Variants in NBAS observed in about 807,000 individuals in gnomAD.
NBAS encodes NAG/BC035112 fusion.
Under a neutral mutation model 302.5 loss-of-function variants are expected in NBAS, and 219 were observed. The observed-to-expected ratio is 0.72, with a 90% confidence interval of 0.65 to 0.81. The LOEUF is 0.81. Ranked by LOEUF, NBAS falls within the 30% of genes least tolerant of loss-of-function variation. NBAS has a pLI of 0.00. For missense variants in NBAS, 2,932 were observed against 2,841.6 expected, an observed-to-expected ratio of 1.03 and a Z score of -0.72; for synonymous variants, 1,118 against 1,021.6, an observed-to-expected ratio of 1.09 and a Z score of -1.80.
chr2:14,796,919 C>CAAAAAAAAAAAAAAAA, the NBAS span, among the ~76,000 whole-genome samples: 13 of 86,442 alleles, frequency 1.5e-4, no homozygotes, highest in East Asian at 3.4e-4. Context: ...CTAAAAAATA[C>CAAAAAAAAAAAAAAAA]AAAAAAAAAA....
At chr2:14,791,802 T>TA in the NBAS span, among the ~76,000 whole-genome samples, 1 of 107,626 alleles carries the variant, frequency 9.3e-6, no homozygotes, top group Non-Finnish European at 1.8e-5. Context: ...AGACTCCATC[T>TA]CATAAATAAA....
chr2:15,092,801 A>G, the NBAS span, among the ~76,000 whole-genome samples: 1 of 152,230 alleles, frequency 6.6e-6, no homozygotes, highest in Non-Finnish European at 1.5e-5. Flanking sequence ...AGGGATTTGC[A>G]TATGACATGA....
chr2:14,896,982 T>C, the NBAS span, among the ~76,000 whole-genome samples: 1 of 151,958 alleles, frequency 6.6e-6, no homozygotes, highest in East Asian at 1.9e-4. Flanking sequence ...TAGAGCTGCA[T>C]GGAAATATCT....
At position 15,337,477 on chromosome 2, in the gene NBAS, TA is replaced by T. The variant is rs935948823; in HGVS notation, c.4180-6713del. On this transcript the variant is annotated intron_variant, in intron 35 of 51. Coordinates refer to ENST00000281513, the MANE Select transcript of NBAS (RefSeq NM_015909.4). The stretch of plus-strand genomic sequence containing the variant: ...GAAATAAAAAGTTAAAAAATAAAAA[TA>T]AAAAAAAGAAAAGAAAAATGTAGGC... Among the ~76,000 whole-genome samples, 11 of 151,318 alleles carry T rather than the reference TA, an allele frequency of 7.3e-5. No individual in the cohort carries two copies. In the South Asian group the frequency reaches 8.4e-4, roughly 12 times the overall value.
chr2:14,806,753 G>A, the NBAS span, among the ~76,000 whole-genome samples: 9 of 152,192 alleles, frequency 5.9e-5, no homozygotes, highest in Admixed American at 2.6e-4. Context: ...GAGGAAAATC[G>A]GTTGGCAGGA....
the NBAS span, among the ~76,000 whole-genome samples, chr2:14,944,857 T>A: frequency 8.5e-5 from 13 of 152,260 alleles, no homozygotes; most frequent in African/African-American, 2.9e-4. Flanking sequence ...ACAGTTTCTA[T>A]ACCGGAAATG....
chr2:14,909,475 G>A, the NBAS span, among the ~76,000 whole-genome samples: 98 of 151,460 alleles, frequency 6.5e-4, no homozygotes, highest in Non-Finnish European at 1.1e-3. Flanking sequence ...TGGTGGAGGA[G>A]GTGCCAGACA....
At chr2:15,257,824 CA>C (rs1177417015) in intron 44 of NBAS, among the ~76,000 whole-genome samples, 3 of 152,156 alleles carry the variant, frequency 2.0e-5, no homozygotes, top group African/African-American at 7.2e-5. Context: ...TCTGCTATGG[CA>C]AAACTTCTCC....
At chr2:15,353,085 AGG>A (rs1476813185) in intron 34 of NBAS, among the ~76,000 whole-genome samples, 1 of 152,170 alleles carries the variant, frequency 6.6e-6, no homozygotes, top group Non-Finnish European at 1.5e-5. Flanking sequence ...GTTTCTCCAC[AGG>A]GGCACTATCC....
At chr2:15,528,905 A>ATATATATATATATGTGTG (rs1558414924) in intron 9 of NBAS, among the ~76,000 whole-genome samples, 2 of 145,446 alleles carry the variant, frequency 1.4e-5, no homozygotes, top group Non-Finnish European at 3.0e-5. Context: ...ATATGTGTGT[A>ATATATATATATATGTGTG]TATATATATA....
At chr2:15,019,944 C>A in the NBAS span, among the ~76,000 whole-genome samples, 1 of 152,146 alleles carries the variant, frequency 6.6e-6, no homozygotes, top group Non-Finnish European at 1.5e-5. Flanking sequence ...CTCTATAGTA[C>A]TTTGTTATAG....
chr2:15,049,296 C>A, the NBAS span, among the ~76,000 whole-genome samples: 1 of 152,364 alleles, frequency 6.6e-6, no homozygotes, highest in African/African-American at 2.4e-5. Context: ...GCAAGGCCAC[C>A]ACTGCTGGCT....
intron 50 of NBAS, among the ~76,000 whole-genome samples, chr2:15,184,826 C>CA (rs1431529041): frequency 6.6e-6 from 1 of 152,166 alleles, no homozygotes; most frequent in Non-Finnish European, 1.5e-5. Context: ...ATGTCATAGC[C>CA]AACTTACATT....
At chr2:14,976,690 T>C in the NBAS span, among the ~76,000 whole-genome samples, 38 of 152,328 alleles carry the variant, frequency 2.5e-4, no homozygotes, top group African/African-American at 8.9e-4. Flanking sequence ...TGGGACCTCA[T>C]GATCCTGGAA....
At chr2:15,181,830 T>A (rs1422767142) in intron 50 of NBAS, among the ~76,000 whole-genome samples, 2 of 152,218 alleles carry the variant, frequency 1.3e-5, no homozygotes, top group Admixed American at 1.3e-4. Context: ...CTGGAGTATC[T>A]AGCATCAAAA....
chr2:15,558,334 A>G (rs1224570201), intron 2 of NBAS, among the ~76,000 whole-genome samples: 1 of 152,238 alleles, frequency 6.6e-6, no homozygotes, highest in Non-Finnish European at 1.5e-5. Context: ...CACCTGTTCT[A>G]GAATACATCC....
At chr2:14,935,659 C>T in the NBAS span, among the ~76,000 whole-genome samples, 1 of 151,964 alleles carries the variant, frequency 6.6e-6, no homozygotes, top group South Asian at 2.1e-4. Context: ...GTTTAAATGC[C>T]CATCATAATG....
At chr2:15,550,432 G>A (rs1664321253) in intron 6 of NBAS, among the ~76,000 whole-genome samples, 1 of 152,134 alleles carries the variant, frequency 6.6e-6, no homozygotes, top group Admixed American at 6.5e-5. Context: ...CAATGACCAT[G>A]TTTACCATTA....
intron 28 of NBAS, among the ~76,000 whole-genome samples, chr2:15,389,067 C>T (rs1293899593): frequency 1.3e-5 from 2 of 152,174 alleles, no homozygotes; most frequent in Non-Finnish European, 2.9e-5. Flanking sequence ...AGCAACCAGA[C>T]TTCTGTCTGA....
Sources: allele counts gnomAD v4.1 joint callset (sites outside exome capture counted in the v4.1 genomes callset), GRCh38; gene constraint gnomAD v4.1.1; transcripts MANE v1.5; gene names NCBI Gene and HGNC (gene_info 2026-07-23, HGNC 2026-07-21).